The following BCAS3 variants were observed in gnomAD, a reference collection of about 807,000 sequenced individuals.
BCAS3 encodes BCAS4/BCAS3 fusion.
BCAS3 carries 53 observed loss-of-function variants against 116.1 expected under a neutral mutation model. The observed-to-expected ratio is 0.46, with a 90% CI of 0.37 to 0.57. The LOEUF is 0.57. BCAS3 is among the 20% of genes least tolerant of loss of function. BCAS3 has a pLI of 0.00. For missense variants in BCAS3, 917 were observed against 1,165.4 expected (o/e 0.79, Z 3.10); for synonymous variants, 391 against 408.2 (o/e 0.96, Z 0.51).
At position 60,993,945 on chromosome 17, in the gene BCAS3, C is replaced by T. The variant is rs187961684; in HGVS notation, c.1486+3710C>T. On this transcript the variant is annotated intron_variant, in intron 15 of 23. Coordinates refer to ENST00000407086, the MANE Select transcript of BCAS3 (RefSeq NM_017679.5). The surrounding 1 kb of genome is among the most constrained non-coding windows in gnomAD (Gnocchi z 4.2). Reference sequence around the variant, plus strand: ...ATATATTCTTTATAAATATCTCTTCCATTTCCTATCTTGTTGCCTGAACAT... The same window carrying T: ...ATATATTCTTTATAAATATCTCTTCTATTTCCTATCTTGTTGCCTGAACAT... Among the ~76,000 whole-genome samples the T allele has an allele frequency of 4.7e-3, 711 of 152,144 alleles. 33 individuals carry two copies. The highest frequency in any genetic ancestry group is 0.044 in the Admixed American group (666 of 15,278).
chr17:61,048,158 A>C (rs1304860994), intron 19 of BCAS3, among the ~76,000 whole-genome samples: 1 of 151,918 alleles, frequency 6.6e-6, no homozygotes, highest in Non-Finnish European at 1.5e-5. Flanking sequence ...TTTGATCTCA[A>C]ATTTTGGGGA....
Position 61,391,985 on chromosome 17 carries a change from C to T in BCAS3, c.2602C>T (p.Arg868Ter), listed in dbSNP as rs760512310. 4.3e-6 allele frequency: 7 copies of T among 1,613,534 alleles called. No individual in the cohort carries two copies. The highest frequency in any genetic ancestry group is 1.1e-5 in the South Asian group (1 of 91,050). ...TCTCCTGTGTCTTGCAGAACTTCAG[C>T]GAGAGGGAAGCATCGAGACTCTGAG... ...DVVGSGTELQREGSIETLSNS... is the reference protein window; with the variant it reads ...DVVGSGTELQ Residue 868 changes from arginine to a stop codon, truncating the protein, a stop_gained, in exon 24 of 24, where the codon CGA (arginine) becomes TGA (stop). Transcript: ENST00000407086. LOFTEE classifies it high-confidence loss of function. This position sits in a 1 kb window ranked among gnomAD's most constrained non-coding sequence, Gnocchi z 7.7.
Position 61,387,719 on chromosome 17 carries a change from C to T in BCAS3, c.2594-4258C>T, listed in dbSNP as rs576553317. Among the ~76,000 whole-genome samples, 2 of 152,314 alleles carry T rather than the reference C, an allele frequency of 1.3e-5. No individual in the cohort carries two copies. Among genetic ancestry groups the T allele is most frequent in the East Asian group, 1.9e-4 (1 of 5,186 alleles). On this transcript the variant is annotated intron_variant, in intron 23 of 23. Transcript: ENST00000407086. The surrounding 1 kb of genome is among the most constrained non-coding windows in gnomAD (Gnocchi z 6.2). ...GCATGGGGGCCGGTCTTAGTGATGC[C>T]GGAGCTGCCAGCACCCTGTGGCCCG...
chr17:61,262,033 A>G (rs1417392037), intron 22 of BCAS3, among the ~76,000 whole-genome samples: 1 of 152,188 alleles, frequency 6.6e-6, no homozygotes, highest in African/African-American at 2.4e-5. Flanking sequence ...AAATAAGAAC[A>G]ACAGATTAGA....
intron 15 of BCAS3, among the ~76,000 whole-genome samples, chr17:61,001,802 C>A (rs1306280784): frequency 6.6e-6 from 1 of 151,860 alleles, no homozygotes; most frequent in Non-Finnish European, 1.5e-5. Flanking sequence ...TTCTCAAATT[C>A]TTTTATCACC....
Position 61,205,448 on chromosome 17 carries a change from G to A in BCAS3, c.2425+120884G>A, listed in dbSNP as rs936416482. ...TAATTCTACAAGAAAGATAGCTGTT[G>A]AGAGAGCTAATATCAAGGAAATGGC... On this transcript the variant is annotated intron_variant, in intron 22 of 23. Coordinates refer to ENST00000407086, the MANE Select transcript of BCAS3 (RefSeq NM_017679.5). This position sits in a 1 kb window ranked among gnomAD's most constrained non-coding sequence, Gnocchi z 5.2. Among the ~76,000 whole-genome samples the A allele has an allele frequency of 6.6e-6, 1 of 152,180 alleles. No individual in the cohort carries two copies. The highest frequency in any genetic ancestry group is 2.4e-5 in the African/African-American group (1 of 41,430).
rs534797293 is a variant in BCAS3, at chr17:61,013,149, C to T, written c.1487-2602C>T. Reference sequence around the variant, plus strand: ...TTGCCCTTTTCCTTGAGCCCTTTTCCATATAAAGTTGTTCCCACGTCTGCT... The same window carrying T: ...TTGCCCTTTTCCTTGAGCCCTTTTCTATATAAAGTTGTTCCCACGTCTGCT... On this transcript the variant is annotated intron_variant, in intron 15 of 23. Transcript: ENST00000407086. This position sits in a 1 kb window ranked among gnomAD's most constrained non-coding sequence, Gnocchi z 4.4. Among the ~76,000 whole-genome samples the T allele has an allele frequency of 8.5e-5, 13 of 152,058 alleles. No homozygotes were observed. Among genetic ancestry groups the T allele is most frequent in the African/African-American group, 3.1e-4 (13 of 41,504 alleles).
intron 5 of BCAS3, among the ~76,000 whole-genome samples, chr17:60,743,788 C>G (rs1223081854): frequency 6.6e-6 from 1 of 152,110 alleles, no homozygotes; most frequent in Non-Finnish European, 1.5e-5. Flanking sequence ...CTTGTGTAGC[C>G]TTTTCTGTGT....
In BCAS3 at chr17:61,098,823, G is replaced by A. The variant is rs2143646214; in HGVS notation, c.2425+14259G>A. On this transcript the variant is annotated intron_variant, in intron 22 of 23. Transcript: ENST00000407086. This position sits in a 1 kb window ranked among gnomAD's most constrained non-coding sequence, Gnocchi z 4.2. The stretch of plus-strand genomic sequence containing the variant: ...GATCCTGATTGTTCTGTTACTGCTT[G>A]GCTTAAGATACCCCTGGATGGGCTG... 6.6e-6 allele frequency among the ~76,000 whole-genome samples: 1 copy of A among 151,734 alleles called. No individual in the cohort carries two copies. Among genetic ancestry groups the A allele is most frequent in the African/African-American group, 2.4e-5 (1 of 41,374 alleles).
chr17:61,058,464 T>A (rs1465980924), intron 19 of BCAS3, among the ~76,000 whole-genome samples: 2 of 152,228 alleles, frequency 1.3e-5, no homozygotes, highest in Non-Finnish European at 2.9e-5. Context: ...CGTTTTTTTC[T>A]TTTCTTGGTC....
rs2144293636 is a variant in BCAS3, at chr17:61,203,404, C to T, written c.2425+118840C>T. On this transcript the variant is annotated intron_variant, in intron 22 of 23. Transcript: ENST00000407086. The surrounding 1 kb of genome is among the most constrained non-coding windows in gnomAD (Gnocchi z 5.7). ...AACTCCTGACCTTGTGATCTGCTCACCTCGGCCTCCCAAAGTGCTGGTATC... is the reference window on the plus strand; with the variant it reads ...AACTCCTGACCTTGTGATCTGCTCATCTCGGCCTCCCAAAGTGCTGGTATC... 6.6e-6 allele frequency among the ~76,000 whole-genome samples: 1 copy of T among 152,284 alleles called. No individual in the cohort carries two copies. The highest frequency in any genetic ancestry group is 1.5e-5 in the Non-Finnish European group (1 of 68,020).
chr17:60,695,240 C>CCT (rs1015215909), intron 4 of BCAS3, among the ~76,000 whole-genome samples: 2 of 151,766 alleles, frequency 1.3e-5, no homozygotes, highest in African/African-American at 4.8e-5. Flanking sequence ...CCTGCCTCGG[C>CCT]CTCCTTAGCA....
chr17:61,373,643 T>C (rs1284897784), intron 23 of BCAS3, among the ~76,000 whole-genome samples: 2 of 146,386 alleles, frequency 1.4e-5, no homozygotes, highest in African/African-American at 5.1e-5. Flanking sequence ...AGACGAGGTT[T>C]CACCATGTTG....
intron 4 of BCAS3, among the ~76,000 whole-genome samples, chr17:60,708,760 C>G (rs533634651): frequency 2.1e-4 from 32 of 152,248 alleles, no homozygotes; most frequent in Non-Finnish European, 4.0e-4. Context: ...GAACTCCTGA[C>G]CTCATGATCT....
chr17:61,282,587 A>C lies in BCAS3; in HGVS notation c.2426-85740A>C, dbSNP rs1029572680. 2.0e-5 allele frequency among the ~76,000 whole-genome samples: 3 copies of C among 152,244 alleles called. No individual in the cohort carries two copies. Among genetic ancestry groups the C allele is most frequent in the African/African-American group, 7.2e-5 (3 of 41,478 alleles). On this transcript the variant is annotated intron_variant, in intron 22 of 23. Coordinates refer to ENST00000407086, the MANE Select transcript of BCAS3 (RefSeq NM_017679.5). This position sits in a 1 kb window ranked among gnomAD's most constrained non-coding sequence, Gnocchi z 5.9. ...TGTCAGCGAGGGAGGCTCCAAGGAC[A>C]AGTTGAATGCCCAAGTTATAGAAAG...
intron 19 of BCAS3, 107 bp downstream of exon 19, chr17:61,040,999 C>T (rs2067462473): frequency 2.3e-6 from 2 of 868,370 alleles, no homozygotes; most frequent in East Asian, 2.5e-5. Flanking sequence ...GGCCATGGGC[C>T]TTAAAGAATC....
At position 61,201,424 on chromosome 17, in the gene BCAS3, G is replaced by C. The variant is rs531187077; in HGVS notation, c.2425+116860G>C. Among the ~76,000 whole-genome samples, 9 of 152,338 alleles carry C rather than the reference G, an allele frequency of 5.9e-5. No homozygotes were observed. The South Asian group carries it at 1.7e-3, about 28-fold the overall frequency. ...TGCCACTGGAAAAAGGATCCAAGAG[G>C]AATTCCTTAAGCTGGGAACATGAGC... On this transcript the variant is annotated intron_variant, in intron 22 of 23. Coordinates refer to ENST00000407086, the MANE Select transcript of BCAS3 (RefSeq NM_017679.5).
chr17:60,825,842 A>G (rs551088443), intron 7 of BCAS3, among the ~76,000 whole-genome samples: 6 of 147,492 alleles, frequency 4.1e-5, no homozygotes, highest in African/African-American at 1.5e-4. Context: ...TCTTAATACT[A>G]TCTCTGGGGA....
At chr17:61,338,888 G>GAAAAAAAAAAAAAA (rs57701817) in intron 22 of BCAS3, among the ~76,000 whole-genome samples, 1 of 67,278 alleles carries the variant, frequency 1.5e-5, no homozygotes, top group African/African-American at 4.6e-5. Context: ...CCCTTACTGG[G>GAAAAAAAAAAAAAA]AAAAAAAAAA....
Sources: allele counts gnomAD v4.1 joint callset (sites outside exome capture counted in the v4.1 genomes callset), GRCh38; gene constraint gnomAD v4.1.1; non-coding constraint Gnocchi (gnomAD v3.1); transcripts MANE v1.5; gene names NCBI Gene and HGNC (gene_info 2026-07-23, HGNC 2026-07-21).